Variants in PIAS1 observed in about 807,000 individuals in gnomAD.
PIAS1 encodes protein inhibitor of activated STAT 1.
In PIAS1, 6 loss-of-function variants were observed where a neutral mutation model predicts 71.3. The ratio of observed to expected loss-of-function variants is 0.08; its 90% CI spans 0.05 to 0.17. The LOEUF (loss-of-function observed/expected upper bound fraction) is 0.17. Ranked by LOEUF, PIAS1 falls within the 10% of genes least tolerant of loss-of-function variation. The pLI is 1.00. For missense variants in PIAS1, 555 were observed against 793.6 expected, an observed-to-expected ratio of 0.70 and a Z score of 3.61; for synonymous variants, 303 against 292.9, an observed-to-expected ratio of 1.03 and a Z score of -0.35.
chr15:68,132,330 C>G (rs953720410), intron 2 of PIAS1, among the ~76,000 whole-genome samples: 2 of 151,970 alleles, frequency 1.3e-5, no homozygotes, highest in African/African-American at 4.8e-5. Flanking sequence ...TACAAAAAAT[C>G]AGGGCGTGGT....
intron 2 of PIAS1, among the ~76,000 whole-genome samples, chr15:68,121,431 T>TAAGCAATTTGGTTATGATTTGCTTTGGTG (rs2092612726): frequency 6.6e-6 from 1 of 152,130 alleles, no homozygotes; most frequent in African/African-American, 2.4e-5. Flanking sequence ...CACTGGGTCT[T>TAAGCAATTTGGTTATGATTTGCTTTGGTG]AAGCAATTTG....
chr15:68,102,625 G>A (rs183829864), intron 2 of PIAS1, among the ~76,000 whole-genome samples: 3 of 152,150 alleles, frequency 2.0e-5, no homozygotes, highest in South Asian at 2.1e-4. Flanking sequence ...TTATTCATCA[G>A]CATTTTATAG....
chr15:68,126,167 C>G (rs1216249439), intron 2 of PIAS1, among the ~76,000 whole-genome samples: 1 of 152,138 alleles, frequency 6.6e-6, no homozygotes, highest in Non-Finnish European at 1.5e-5. Context: ...CTTGTAGGAA[C>G]TTGTCTTGAA....
rs1421356427 is a variant in PIAS1 at position 68,188,636 on chromosome 15, T to TAG, written c.*805_*806dup. 1 of 152,344 alleles carries TAG rather than the reference T, an allele frequency of 6.6e-6. No individual in the cohort carries two copies. The highest frequency in any genetic ancestry group is 1.9e-4 in the East Asian group (1 of 5,190). 9.4% of individuals were successfully genotyped at this position (152,344 alleles called of 1,614,324 possible). A position where few individuals can be genotyped will look rare whatever the true frequency, so the allele number is the denominator to read the frequency against. On this transcript the variant is annotated 3_prime_UTR_variant, in exon 14 of 14. Transcript: ENST00000249636. ...CTCTGTACCCCCTGAGAATATGTTTTAGAGATATTGGAATAAAGCTGTCTG... is the reference window on the plus strand; with the variant it reads ...CTCTGTACCCCCTGAGAATATGTTTTAGAGAGATATTGGAATAAAGCTGTCTG...
chr15:68,157,597 G>A (rs912185542), intron 7 of PIAS1, among the ~76,000 whole-genome samples: 1 of 152,130 alleles, frequency 6.6e-6, no homozygotes, highest in Admixed American at 6.5e-5. Context: ...CATTTGATAT[G>A]AACCACTTTC....
In PIAS1 at chr15:68,173,695, C is replaced by A; in HGVS notation, c.1009-37C>A. 3 of 1,430,536 alleles carry A rather than the reference C, an allele frequency of 2.1e-6. No homozygotes were observed. Among genetic ancestry groups the A allele is most frequent in the South Asian group, 1.6e-5 (1 of 62,914 alleles). The allele number at this position is 1,430,536 out of a possible 1,614,324, so 88.6% of individuals were successfully genotyped here. A position where few individuals can be genotyped will look rare whatever the true frequency, so the allele number is the denominator to read the frequency against. ...TTGTCAAAGCTTAAATGTTGAATAG[C>A]AATTATCTAATATTTACTTTTTCTC... On this transcript the variant is annotated intron_variant, in intron 8 of 13. Coordinates refer to ENST00000249636, the MANE Select transcript of PIAS1 (RefSeq NM_016166.3). This position sits in a 1 kb window ranked among gnomAD's most constrained non-coding sequence, Gnocchi z 4.3.
chr15:68,065,043 A>G (rs972820370), intron 1 of PIAS1, among the ~76,000 whole-genome samples: 1 of 151,886 alleles, frequency 6.6e-6, no homozygotes, highest in Non-Finnish European at 1.5e-5. Context: ...ATGCCCAGCT[A>G]TTATTTTTTT....
chr15:68,113,201 G>A (rs978430516), intron 2 of PIAS1, among the ~76,000 whole-genome samples: 9 of 152,110 alleles, frequency 5.9e-5, no homozygotes, highest in Non-Finnish European at 1.3e-4. Flanking sequence ...GGTTATATGT[G>A]TGCACATACA....
intron 7 of PIAS1, chr15:68,153,989 C>G (rs914624395): frequency 6.8e-5 from 15 of 220,030 alleles, no homozygotes; most frequent in Non-Finnish European, 1.8e-5. Flanking sequence ...GCATAAATTT[C>G]AAGAAAGTTA....
intron 6 of PIAS1, among the ~76,000 whole-genome samples, chr15:68,150,197 GT>G (rs202076243): frequency 6.6e-6 from 1 of 151,680 alleles, no homozygotes; most frequent in South Asian, 2.1e-4. Flanking sequence ...AAAATGTTTT[GT>G]TTTTGTGTAT....
At chr15:68,064,332 A>C (rs1473335740) in intron 1 of PIAS1, among the ~76,000 whole-genome samples, 1 of 152,222 alleles carries the variant, frequency 6.6e-6, no homozygotes, top group African/African-American at 2.4e-5. Flanking sequence ...ACAGTTTCCC[A>C]ATACTTGACT....
intron 2 of PIAS1, among the ~76,000 whole-genome samples, chr15:68,137,132 A>G (rs947689472): frequency 6.6e-6 from 1 of 152,190 alleles, no homozygotes; most frequent in African/African-American, 2.4e-5. Flanking sequence ...GGATTCATAA[A>G]AATCTTCATA....
intron 2 of PIAS1, among the ~76,000 whole-genome samples, chr15:68,128,766 G>A (rs946742531): frequency 3.3e-5 from 5 of 152,200 alleles, no homozygotes; most frequent in South Asian, 4.1e-4. Flanking sequence ...ACAAATGGAC[G>A]CAGTATCCAA....
rs79873846 is a variant in PIAS1 at position 68,103,668 on chromosome 15, T to C, written c.469+16918T>C. ...TAATACGGCATCTGTCTTTATAGAT[T>C]TTCCTGTTTTGGACATCTCATATGA... On this transcript the variant is annotated intron_variant, in intron 2 of 13. Transcript: ENST00000249636. Among the ~76,000 whole-genome samples, 932 of 152,284 alleles carry C rather than the reference T, an allele frequency of 6.1e-3. 4 individuals are homozygous for C. Among genetic ancestry groups the C allele is most frequent in the East Asian group, 0.032 (168 of 5,182 alleles).
At position 68,173,788 on chromosome 15, in the gene PIAS1, A is replaced by G. The variant is rs1236286939; in HGVS notation, c.1065A>G (p.Gln355=). The change falls in exon 9 of 14, where the codon CAA becomes CAG. Residue 355 remains glutamine (Q), a synonymous_variant. Transcript: ENST00000249636. This position sits in a 1 kb window ranked among gnomAD's most constrained non-coding sequence, Gnocchi z 4.3. ...GGGCCCTTACATGTTCTCATCTACA[A>G]TGTTTTGACGCAACTCTTTACATTC... ...PCRALTCSHL[Q]CFDATLYIQM... 2.5e-6 allele frequency: 4 copies of G among 1,597,512 alleles called. No individual in the cohort carries two copies. Among genetic ancestry groups the G allele is most frequent in the South Asian group, 1.1e-5 (1 of 89,168 alleles).
chr15:68,096,168 G>C (rs995166469), intron 2 of PIAS1, among the ~76,000 whole-genome samples: 3 of 152,140 alleles, frequency 2.0e-5, no homozygotes, highest in African/African-American at 7.2e-5. Context: ...CTATATGTTT[G>C]AATAAAAACT....
At position 68,174,513 on chromosome 15, in the gene PIAS1, A is replaced by G. The variant is rs1025858926; in HGVS notation, c.1169+621A>G. The stretch of plus-strand genomic sequence containing the variant: ...CCACTAAACAAAAACAAATTGTGAA[A>G]AGGAGGACATCTCCTTGATTTTTTT... On this transcript the variant is annotated intron_variant, in intron 9 of 13. Coordinates refer to ENST00000249636, the MANE Select transcript of PIAS1 (RefSeq NM_016166.3). The surrounding 1 kb of genome is among the most constrained non-coding windows in gnomAD (Gnocchi z 4.0). Among the ~76,000 whole-genome samples the G allele has an allele frequency of 6.6e-6, 1 of 152,168 alleles. No homozygotes were observed. The highest frequency in any genetic ancestry group is 2.4e-5 in the African/African-American group (1 of 41,430).
chr15:68,151,698 ACACACACAC>A (rs1296032361), intron 6 of PIAS1, among the ~76,000 whole-genome samples: 1 of 90,474 alleles, frequency 1.1e-5, no homozygotes, highest in Non-Finnish European at 2.2e-5. Context: ...ACACACACAC[ACACACACAC>A]AAATTAGCTA....
At chr15:68,181,375 C>T in intron 12 of PIAS1, 21 bp downstream of exon 12, 1 of 1,608,614 alleles carries the variant, frequency 6.2e-7, no homozygotes, top group Non-Finnish European at 8.5e-7. Context: ...GGTTCTTCTA[C>T]ATTGTCACAT....
Sources: gnomAD v4.1 joint callset for allele counts (sites outside exome capture counted in the v4.1 genomes callset) on GRCh38, gnomAD v4.1.1 for gene constraint, Gnocchi (gnomAD v3.1) non-coding constraint, MANE v1.5 for transcripts, NCBI Gene and HGNC (gene_info 2026-07-23, HGNC 2026-07-21) for gene names.